Variants in IDE observed in about 807,000 individuals in gnomAD.
IDE encodes the protein insulin degrading enzyme, also known as insulin-degrading enzyme.
IDE carries 58 observed loss-of-function variants against 133.2 expected under a neutral mutation model. The ratio of observed to expected loss-of-function variants is 0.44; its 90% CI spans 0.35 to 0.54. IDE has a LOEUF of 0.54. IDE is among the 20% of genes least tolerant of loss of function. The pLI, the probability that IDE is intolerant of heterozygous loss-of-function variation, is 0.00. For missense variants in IDE, 981 were observed against 1,234.0 expected, an observed-to-expected ratio of 0.79 and a Z score of 3.07; for synonymous variants, 396 against 421.3, an observed-to-expected ratio of 0.94 and a Z score of 0.73.
At position 92,498,381 on chromosome 10, in the gene IDE, G is replaced by C. The variant is rs558004856; in HGVS notation, c.1430+6413C>G. 2.7e-5 allele frequency among the ~76,000 whole-genome samples: 4 copies of C among 147,182 alleles called. No homozygotes were observed. The South Asian group carries it at 8.7e-4, about 32-fold the overall frequency. On this transcript the variant is annotated intron_variant, in intron 11 of 24. Transcript: ENST00000265986. Reference sequence around the variant, plus strand: ...CTCACACCTATAATCCCAGCACTTTGAGAGGACGGGGTGGGTGGATCACTT... The same window carrying C: ...CTCACACCTATAATCCCAGCACTTTCAGAGGACGGGGTGGGTGGATCACTT...
Position 92,574,081 on chromosome 10 carries a change from G to T in IDE, c.-62C>A. ...CCTGCTTGCGCTTCGAGCCGGCCCTGCGCACTGCGCATGCTCTAGCCGCGG... is the reference window on the plus strand; with the variant it reads ...CCTGCTTGCGCTTCGAGCCGGCCCTTCGCACTGCGCATGCTCTAGCCGCGG... On this transcript the variant is annotated 5_prime_UTR_variant, in exon 1 of 25. Transcript: ENST00000265986. 7.6e-7 allele frequency: 1 copy of T among 1,315,554 alleles called. No individual in the cohort carries two copies. Among genetic ancestry groups the T allele is most frequent in the Non-Finnish European group, 1.0e-6 (1 of 974,242 alleles). The allele number at this position is 1,315,554 out of a possible 1,614,324, so 81.5% of individuals were successfully genotyped here. A position where few individuals can be genotyped will look rare whatever the true frequency, so the allele number is the denominator to read the frequency against.
chr10:92,569,474 C>G (rs938797287), intron 1 of IDE, among the ~76,000 whole-genome samples: 1 of 152,062 alleles, frequency 6.6e-6, no homozygotes, highest in African/African-American at 2.4e-5. Context: ...TAAGATGTTA[C>G]GAAGATGATC....
chr10:92,484,102 T>C (rs908388362), intron 13 of IDE, among the ~76,000 whole-genome samples: 55 of 152,140 alleles, frequency 3.6e-4, no homozygotes, highest in Non-Finnish European at 8.1e-4. Flanking sequence ...ACTGCTGGAT[T>C]CCTGACCCTC....
intron 1 of IDE, among the ~76,000 whole-genome samples, chr10:92,561,489 C>T (rs981841674): frequency 3.3e-5 from 5 of 150,980 alleles, no homozygotes; most frequent in African/African-American, 9.7e-5. Context: ...TGGCAGCTCA[C>T]GCCTGTAATC....
chr10:92,573,189 A>G, intron 1 of IDE: 2 of 985,402 alleles, frequency 2.0e-6, no homozygotes, highest in Non-Finnish European at 1.2e-6. Context: ...GGTGCAGTGG[A>G]GAGGGCACGC....
At chr10:92,520,368 C>T (rs1849156940) in intron 4 of IDE, among the ~76,000 whole-genome samples, 1 of 152,006 alleles carries the variant, frequency 6.6e-6, no homozygotes, top group African/African-American at 2.4e-5. Context: ...ATTTATTTTC[C>T]TGGAAAATTC....
At chr10:92,524,959 A>G (rs1026068254) in intron 4 of IDE, among the ~76,000 whole-genome samples, 2 of 149,884 alleles carry the variant, frequency 1.3e-5, no homozygotes, top group Non-Finnish European at 3.0e-5. Flanking sequence ...ATACAAATCA[A>G]TAAACATGAT....
At chr10:92,454,586 G>C in intron 24 of IDE, 47 bp from the exon 25 acceptor site, 3 of 1,363,696 alleles carry the variant, frequency 2.2e-6, no homozygotes, top group Non-Finnish European at 3.1e-6. Flanking sequence ...CTAAACATCA[G>C]AATAAGGACA....
chr10:92,500,482 T>C (rs1467138609), intron 11 of IDE, among the ~76,000 whole-genome samples: 3 of 152,214 alleles, frequency 2.0e-5, no homozygotes, highest in Admixed American at 6.5e-5. Flanking sequence ...TGTTGTATGA[T>C]TCTACTTACA....
chr10:92,573,138 T>A (rs1843870195), intron 1 of IDE: 3 of 985,288 alleles, frequency 3.0e-6, no homozygotes. Context: ...GTATTCAGCG[T>A]TCACTACAAG....
At chr10:92,495,886 T>C (rs1847665184) in intron 11 of IDE, among the ~76,000 whole-genome samples, 1 of 151,972 alleles carries the variant, frequency 6.6e-6, no homozygotes, top group African/African-American at 2.4e-5. Flanking sequence ...TTAAGTGTTT[T>C]TTTTTTTTGA....
At chr10:92,479,991 T>C (rs919089615) in intron 14 of IDE, among the ~76,000 whole-genome samples, 1 of 152,190 alleles carries the variant, frequency 6.6e-6, no homozygotes, top group Admixed American at 6.5e-5. Context: ...AGTAAAATAA[T>C]TGATAATTTC....
At chr10:92,490,228 G>A (rs1473036317) in intron 12 of IDE, among the ~76,000 whole-genome samples, 1 of 152,202 alleles carries the variant, frequency 6.6e-6, no homozygotes, top group Non-Finnish European at 1.5e-5. Flanking sequence ...CTGTGCCCAT[G>A]TACTCTGCAC....
At chr10:92,464,984 TTATAATAACA>T (rs1448728918) in intron 20 of IDE, among the ~76,000 whole-genome samples, 1 of 152,244 alleles carries the variant, frequency 6.6e-6, no homozygotes, top group Admixed American at 6.5e-5. Context: ...GTTTGAGCTC[TTATAATAACA>T]TTTACCATGC....
intron 21 of IDE, among the ~76,000 whole-genome samples, chr10:92,462,555 G>A (rs1398606437): frequency 2.6e-5 from 4 of 152,048 alleles, no homozygotes; most frequent in East Asian, 3.9e-4. Flanking sequence ...GCGGTGAGCC[G>A]GAGATCGTGC....
chr10:92,534,859 T>G, intron 2 of IDE, 74 bp from the exon 3 acceptor site: 1 of 1,080,586 alleles, frequency 9.3e-7, no homozygotes. Context: ...GATTTGTAGT[T>G]CTTGTTAGCA....
In IDE at chr10:92,490,623, A is replaced by ACAAACAAAAAT. The variant is rs1370344041; in HGVS notation, c.1431-29_1431-28insATTTTTGTTTG. 3 of 1,295,662 alleles carry ACAAACAAAAAT rather than the reference A, an allele frequency of 2.3e-6. No individual in the cohort carries two copies. The African/African-American group carries it at 4.4e-5, about 19-fold the overall frequency. 80.3% of individuals were successfully genotyped at this position (1,295,662 alleles called of 1,614,324 possible). A position where few individuals can be genotyped will look rare whatever the true frequency, so the allele number is the denominator to read the frequency against. The stretch of plus-strand genomic sequence containing the variant: ...AGAGATAGAAAAAACAAACAAAAAA[A>ACAAACAAAAAT]CCCTGTAAACTCATACTGTATATAT... On this transcript the variant is annotated intron_variant, in intron 11 of 24. Coordinates refer to ENST00000265986, the MANE Select transcript of IDE (RefSeq NM_004969.4).
At chr10:92,563,610 G>A (rs1278515761) in intron 1 of IDE, among the ~76,000 whole-genome samples, 1 of 151,970 alleles carries the variant, frequency 6.6e-6, no homozygotes, top group East Asian at 1.9e-4. Context: ...AATTAGCTGG[G>A]TGTGGTGGCA....
chr10:92,487,455 G>A (rs866763272), intron 12 of IDE, 137 bp from the exon 13 acceptor site: 2 of 752,914 alleles, frequency 2.7e-6, no homozygotes, highest in South Asian at 2.0e-5. Flanking sequence ...TATAAAAGAG[G>A]TACTACCAAA....
Sources: gnomAD v4.1 joint callset for allele counts (sites outside exome capture counted in the v4.1 genomes callset) on GRCh38, gnomAD v4.1.1 for gene constraint, MANE v1.5 for transcripts, NCBI Gene and HGNC (gene_info 2026-07-23, HGNC 2026-07-21) for gene names.